Variants in COP1 observed in about 807,000 individuals in gnomAD.
The protein encoded by COP1 is E3 ubiquitin-protein ligase COP1.
In COP1, 24 loss-of-function variants were observed where a neutral mutation model predicts 101.3. The ratio of observed to expected loss-of-function variants is 0.24; its 90% CI spans 0.17 to 0.33. The LOEUF is 0.33. Among genes scored for constraint, COP1 ranks in the 10% least tolerant of loss-of-function variants. COP1 has a pLI of 1.00. For missense variants in COP1, 663 were observed against 906.2 expected (o/e 0.73, Z 3.45); for synonymous variants, 347 against 341.9 (o/e 1.01, Z -0.17).
intron 16 of COP1, 61 bp from the exon 17 acceptor site, chr1:175,988,473 T>G: frequency 2.7e-6 from 4 of 1,461,180 alleles, no homozygotes; most frequent in Non-Finnish European, 3.7e-6. Context: ...AACTCATCAC[T>G]ACTAATTAGA....
chr1:176,136,194 T>C (rs986049465), intron 7 of COP1, among the ~76,000 whole-genome samples: 25 of 152,100 alleles, frequency 1.6e-4, no homozygotes, highest in African/African-American at 6.0e-4. Flanking sequence ...GTGGTAATAA[T>C]TGACAGTTTT....
At chr1:176,035,245 T>C (rs1007193321) in intron 14 of COP1, among the ~76,000 whole-genome samples, 1 of 151,428 alleles carries the variant, frequency 6.6e-6, no homozygotes, top group African/African-American at 2.4e-5. Flanking sequence ...TCAGAGAATA[T>C]ATAGAAACTA....
Position 176,015,326 on chromosome 1 carries a change from G to A in COP1, c.1729+12246C>T, listed in dbSNP as rs137978301. Reference sequence around the variant, plus strand: ...TATTCAGGCAAGAGGTTACTCCAGTGGTAAAGGTAATGTAACCAAATGCAG... The same window carrying A: ...TATTCAGGCAAGAGGTTACTCCAGTAGTAAAGGTAATGTAACCAAATGCAG... On this transcript the variant is annotated intron_variant, in intron 15 of 19. Coordinates refer to ENST00000367669, the MANE Select transcript of COP1 (RefSeq NM_022457.7). Among the ~76,000 whole-genome samples the A allele has an allele frequency of 1.1e-4, 16 of 152,282 alleles. No individual in the cohort carries two copies. In the East Asian group the frequency reaches 1.9e-3, roughly 18 times the overall value.
intron 14 of COP1, among the ~76,000 whole-genome samples, chr1:176,040,657 T>C (rs1347176271): frequency 1.3e-5 from 2 of 152,160 alleles, no homozygotes; most frequent in Non-Finnish European, 1.5e-5. Flanking sequence ...CTGTATATAG[T>C]AGGAATAAAC....
intron 9 of COP1, among the ~76,000 whole-genome samples, chr1:176,114,542 G>GT (rs1369679049): frequency 6.7e-6 from 1 of 148,604 alleles, no homozygotes; most frequent in Non-Finnish European, 1.5e-5. Context: ...ACACCTCATT[G>GT]TTTTTTGTTT....
chr1:176,028,878 C>T (rs1403714407), intron 14 of COP1, among the ~76,000 whole-genome samples: 1 of 151,300 alleles, frequency 6.6e-6, no homozygotes, highest in Non-Finnish European at 1.5e-5. Flanking sequence ...CCCACTCAGC[C>T]TCCCGGGTAG....
intron 1 of COP1, among the ~76,000 whole-genome samples, chr1:176,193,039 T>C (rs1473142396): frequency 6.6e-6 from 1 of 152,042 alleles, no homozygotes; most frequent in East Asian, 1.9e-4. Context: ...ACAGTGAAAA[T>C]ATGGATGACA....
rs567925631 is a variant in COP1, at chr1:176,063,750, T to C, written c.1277+17402A>G. On this transcript the variant is annotated intron_variant, in intron 11 of 19. Transcript: ENST00000367669. ...TCAGGGCATTTTTGGGGGGCTCTGT[T>C]TGATAAATAATTGTAAAAATACACA... Among the ~76,000 whole-genome samples, 10 of 152,266 alleles carry C rather than the reference T, an allele frequency of 6.6e-5. No individual in the cohort carries two copies. In the South Asian group the frequency reaches 1.7e-3, roughly 25 times the overall value.
Position 176,202,181 on chromosome 1 carries a change from T to C in COP1, c.407+4391A>G, listed in dbSNP as rs150318719. 4.4e-4 allele frequency among the ~76,000 whole-genome samples: 62 copies of C among 140,956 alleles called. No homozygotes were observed. The East Asian group carries it at 0.013, about 29-fold the overall frequency. The allele number at this position is 140,956 out of a possible 152,430, so 92.5% of individuals were successfully genotyped here. A position where few individuals can be genotyped will look rare whatever the true frequency, so the allele number is the denominator to read the frequency against. On this transcript the variant is annotated intron_variant, in intron 1 of 19. Coordinates refer to ENST00000367669, the MANE Select transcript of COP1 (RefSeq NM_022457.7). ...CGACAGATTCTATGATACGTTCTAG[T>C]TCACTTTTTTTTTTTTTTTTTTTTT... is the stretch of plus-strand genomic sequence containing the variant.
Position 176,180,042 on chromosome 1 carries a change from C to A in COP1, c.468-4035G>T, listed in dbSNP as rs139086855. ...ATGCATCGAGCGTATCTTAGAGCAT[C>A]TACTACTTCACTACCACCCCAAAAG... On this transcript the variant is annotated intron_variant, in intron 2 of 19. Transcript: ENST00000367669. 2.6e-3 allele frequency among the ~76,000 whole-genome samples: 401 copies of A among 152,278 alleles called. 3 individuals are homozygous for A. Among genetic ancestry groups the A allele is most frequent in the African/African-American group, 9.2e-3 (383 of 41,546 alleles).
chr1:176,149,894 A>G (rs946093944), intron 5 of COP1, among the ~76,000 whole-genome samples: 5 of 152,258 alleles, frequency 3.3e-5, no homozygotes, highest in Admixed American at 2.0e-4. Context: ...TTTTTCTTAT[A>G]TACTTGAAAG....
rs140755121 is a variant in COP1 at position 176,206,774 on chromosome 1, A to G, written c.205T>C (p.Leu69=). The G allele has an allele frequency of 0.025, 36,481 of 1,457,066 alleles. 1,919 individuals carry two copies. The highest frequency in any genetic ancestry group is 0.16 in the African/African-American group (11,227 of 68,286). The allele number at this position is 1,457,066 out of a possible 1,614,324, so 90.3% of individuals were successfully genotyped here. ...GGLGGPVRPV[L]VAPAVSGSGG... Reference sequence around the variant, plus strand: ...CTACCCGATACGGCGGGCGCCACCAACACAGGCCGCACCGGGCCCCCGAGG... The same window carrying G: ...CTACCCGATACGGCGGGCGCCACCAGCACAGGCCGCACCGGGCCCCCGAGG... Residue 69 remains leucine, a synonymous_variant, in exon 1 of 20, where the codon TTG becomes CTG. Coordinates refer to ENST00000367669, the MANE Select transcript of COP1 (RefSeq NM_022457.7).
chr1:176,043,413 A>G (rs1670979517), intron 13 of COP1, 146 bp from the exon 14 acceptor site: 1 of 578,378 alleles, frequency 1.7e-6, no homozygotes, highest in Non-Finnish European at 3.0e-6. Flanking sequence ...AGCAAATAAG[A>G]TGTTGATATA....
rs1364780584 is a variant in COP1, at chr1:175,988,279, T to C, written c.1972+9A>G. The C allele has an allele frequency of 6.3e-7, 1 of 1,589,158 alleles. No homozygotes were observed. Among genetic ancestry groups the C allele is most frequent in the Non-Finnish European group, 8.6e-7 (1 of 1,168,094 alleles). Reference sequence around the variant, plus strand: ...TTAAAAAGTTCCTGGAAACGATGGTTTCACTTACCACAAGCTATATAATCT... The same window carrying C: ...TTAAAAAGTTCCTGGAAACGATGGTCTCACTTACCACAAGCTATATAATCT... On this transcript the variant is annotated intron_variant, in intron 17 of 19. Coordinates refer to ENST00000367669, the MANE Select transcript of COP1 (RefSeq NM_022457.7).
At chr1:176,129,121 CA>C (rs1242800082) in intron 8 of COP1, among the ~76,000 whole-genome samples, 2 of 151,912 alleles carry the variant, frequency 1.3e-5, no homozygotes, top group African/African-American at 4.8e-5. Context: ...TTAATTTATT[CA>C]AATTATAAAA....
At position 175,995,375 on chromosome 1, in the gene COP1, A is replaced by G. The variant is rs530664010; in HGVS notation, c.1730-5896T>C. Among the ~76,000 whole-genome samples, 12 of 152,352 alleles carry G rather than the reference A, an allele frequency of 7.9e-5. No individual in the cohort carries two copies. The East Asian group carries it at 2.3e-3, about 29-fold the overall frequency. ...CCAAACACATTCAAAAGCTAGCAGAAGGCAAAAAATAATTAAAATCAGAGC... is the reference window on the plus strand; with the variant it reads ...CCAAACACATTCAAAAGCTAGCAGAGGGCAAAAAATAATTAAAATCAGAGC... On this transcript the variant is annotated intron_variant, in intron 15 of 19. Coordinates refer to ENST00000367669, the MANE Select transcript of COP1 (RefSeq NM_022457.7).
chr1:175,983,960 A>C (rs1656496766), intron 18 of COP1, among the ~76,000 whole-genome samples: 1 of 152,208 alleles, frequency 6.6e-6, no homozygotes, highest in Admixed American at 6.5e-5. Context: ...AATGCTGTTA[A>C]AGGCATTCAG....
chr1:175,965,045 CT>C (rs5778881), intron 18 of COP1, among the ~76,000 whole-genome samples: 114,428 of 152,064 alleles, frequency 0.75, 44,947 homozygotes, highest in East Asian at 0.92. Context: ...GCCTTAAGCT[CT>C]TTTTCATACC....
chr1:176,085,434 C>G (rs762290173), intron 10 of COP1, among the ~76,000 whole-genome samples: 4 of 152,140 alleles, frequency 2.6e-5, no homozygotes, highest in Non-Finnish European at 5.9e-5. Context: ...TTATTCTTAG[C>G]ACAGAGGACA....
Sources: allele counts gnomAD v4.1 joint callset (sites outside exome capture counted in the v4.1 genomes callset), GRCh38; gene constraint gnomAD v4.1.1; transcripts MANE v1.5; gene names NCBI Gene and HGNC (gene_info 2026-07-23, HGNC 2026-07-21).